The following PCDHGB7 variants were observed in gnomAD, a reference collection of about 807,000 sequenced individuals.
The protein encoded by PCDHGB7 is protocadherin gamma-B7.
Under a neutral mutation model 61.4 loss-of-function variants are expected in PCDHGB7, and 37 were observed. The observed-to-expected ratio is 0.60, with a 90% CI of 0.46 to 0.79. The LOEUF is 0.79. Ranked by LOEUF, PCDHGB7 falls within the 30% of genes least tolerant of loss-of-function variation. The pLI is 0.00. For missense variants in PCDHGB7, 1,166 were observed against 1,202.5 expected (o/e 0.97, Z 0.45); for synonymous variants, 464 against 503.5 (o/e 0.92, Z 1.05).
intron 2 of PCDHGB7, among the ~76,000 whole-genome samples, chr5:141,503,598 C>CAA (rs765754054): frequency 1.5e-4 from 10 of 65,698 alleles, no homozygotes; most frequent in African/African-American, 2.3e-4. Context: ...GACTCCAGCT[C>CAA]AAAAAAAAAA....
chr5:141,440,564 A>G (rs531383065), intron 1 of PCDHGB7: 1 of 152,248 alleles, frequency 6.6e-6, no homozygotes, highest in Admixed American at 6.5e-5. Context: ...TAAGTTACGT[A>G]TCTCTGAGTT....
At position 141,487,557 on chromosome 5, in the gene PCDHGB7, T is replaced by C. The variant is rs751511771; in HGVS notation, c.2416-7250T>C. On this transcript the variant is annotated intron_variant, in intron 1 of 3. Coordinates refer to ENST00000398594, the MANE Select transcript of PCDHGB7 (RefSeq NM_018927.4). The surrounding 1 kb of genome is among the most constrained non-coding windows in gnomAD (Gnocchi z 5.0). The stretch of plus-strand genomic sequence containing the variant: ...ATGGTGAAGTCACCCAGTGCACCTA[T>C]GGCAGGGGAGCCTGTTCGCCCAAGC... The C allele has an allele frequency of 1.9e-5, 31 of 1,614,060 alleles. No homozygotes were observed. In the East Asian group the frequency reaches 4.2e-4, roughly 22 times the overall value.
intron 1 of PCDHGB7, among the ~76,000 whole-genome samples, chr5:141,461,248 C>A (rs1209563726): frequency 6.6e-6 from 1 of 152,038 alleles, no homozygotes; most frequent in Non-Finnish European, 1.5e-5. Context: ...AATTTATATT[C>A]CCAGCAGCAA....
Position 141,430,721 on chromosome 5 carries a change from T to C in PCDHGB7, c.2415+10447T>C, listed in dbSNP as rs2097305223. The C allele has an allele frequency of 3.4e-6, 5 of 1,489,270 alleles. No homozygotes were observed. The South Asian group carries it at 7.3e-5, about 22-fold the overall frequency. 92.3% of individuals were successfully genotyped at this position (1,489,270 alleles called of 1,614,324 possible). A position where few individuals can be genotyped will look rare whatever the true frequency, so the allele number is the denominator to read the frequency against. On this transcript the variant is annotated intron_variant, in intron 1 of 3. Coordinates refer to ENST00000398594, the MANE Select transcript of PCDHGB7 (RefSeq NM_018927.4). ...AGGAACTGCTCCTGACTTCAGTGGT[T>C]AAGGGCAGAATTGAAAATAATTCTG...
intron 1 of PCDHGB7, chr5:141,441,857 ACGCCGC>A (rs2098279969): frequency 2.8e-6 from 1 of 352,664 alleles, no homozygotes; most frequent in Non-Finnish European, 5.6e-6. Flanking sequence ...ATGGTGCTGC[ACGCCGC>A]GGAGCCTGGC....
rs905837179 is a variant in PCDHGB7 at position 141,478,541 on chromosome 5, G to A, written c.2416-16266G>A. ...GTTGGGTGCAGAGAGCGCCCCTCCCGGACAGGTAAGGTTTAGCAAGTCATG... is the reference window on the plus strand; with the variant it reads ...GTTGGGTGCAGAGAGCGCCCCTCCCAGACAGGTAAGGTTTAGCAAGTCATG... On this transcript the variant is annotated intron_variant, in intron 1 of 3. Coordinates refer to ENST00000398594, the MANE Select transcript of PCDHGB7 (RefSeq NM_018927.4). 4 of 1,605,470 alleles carry A rather than the reference G, an allele frequency of 2.5e-6. No homozygotes were observed. The Admixed American group carries it at 5.2e-5, about 21-fold the overall frequency.
rs1315225126 is a variant in PCDHGB7 at position 141,487,926 on chromosome 5, A to G, written c.2416-6881A>G. The G allele has an allele frequency of 2.2e-5, 14 of 626,676 alleles. No individual in the cohort carries two copies. Among genetic ancestry groups the G allele is most frequent in the Non-Finnish European group, 3.9e-5 (14 of 359,988 alleles). The allele number at this position is 626,676 out of a possible 1,614,324, so 38.8% of individuals were successfully genotyped here. ...GTGGGAGCACAGGAGGCTACAGTGC[A>G]CAGGGTACAGTGCACCAGGCAGTCA... On this transcript the variant is annotated intron_variant, in intron 1 of 3. Coordinates refer to ENST00000398594, the MANE Select transcript of PCDHGB7 (RefSeq NM_018927.4). The surrounding 1 kb of genome is among the most constrained non-coding windows in gnomAD (Gnocchi z 5.0).
In PCDHGB7 at chr5:141,477,967, C is replaced by T. The variant is rs756216038; in HGVS notation, c.2416-16840C>T. Reference sequence around the variant, plus strand: ...GTCTCTTGGGATCCCCTAACCAGAGCCTTTTTGCCATAGGGCTGCACACTG... The same window carrying T: ...GTCTCTTGGGATCCCCTAACCAGAGTCTTTTTGCCATAGGGCTGCACACTG... On this transcript the variant is annotated intron_variant, in intron 1 of 3. Coordinates refer to ENST00000398594, the MANE Select transcript of PCDHGB7 (RefSeq NM_018927.4). This position sits in a 1 kb window ranked among gnomAD's most constrained non-coding sequence, Gnocchi z 4.9. The T allele has an allele frequency of 8.7e-6, 14 of 1,614,032 alleles. No individual in the cohort carries two copies. In the South Asian group the frequency reaches 1.2e-4, roughly 14 times the overall value.
rs770391604 is a variant in PCDHGB7, at chr5:141,431,437, G to A, written c.2415+11163G>A. On this transcript the variant is annotated intron_variant, in intron 1 of 3. Coordinates refer to ENST00000398594, the MANE Select transcript of PCDHGB7 (RefSeq NM_018927.4). The surrounding 1 kb of genome is among the most constrained non-coding windows in gnomAD (Gnocchi z 4.8). ...GCGACCCGGTGCGCACAGGCACCGC[G>A]CGCATCCGCGTGATGGTTCTGGATG... The A allele has an allele frequency of 7.4e-6, 12 of 1,613,710 alleles. No homozygotes were observed. In the East Asian group the frequency reaches 2.5e-4, roughly 33 times the overall value.
rs554845172 is a variant in PCDHGB7 at position 141,485,584 on chromosome 5, G to A, written c.2416-9223G>A. Reference sequence around the variant, plus strand: ...ACGCCCCCCGTTTTCCGCGGCAGCAGCTGGACTTGGAAATTGGGGAGGCAG... The same window carrying A: ...ACGCCCCCCGTTTTCCGCGGCAGCAACTGGACTTGGAAATTGGGGAGGCAG... On this transcript the variant is annotated intron_variant, in intron 1 of 3. Transcript: ENST00000398594. The surrounding 1 kb of genome is among the most constrained non-coding windows in gnomAD (Gnocchi z 5.7). The A allele has an allele frequency of 2.9e-5, 46 of 1,612,498 alleles. 1 individual carries two copies. The South Asian group carries it at 4.5e-4, about 16-fold the overall frequency.
intron 1 of PCDHGB7, chr5:141,429,208 G>A (rs568951026): frequency 5.4e-4 from 77 of 142,568 alleles, no homozygotes; most frequent in African/African-American, 1.9e-3. Context: ...ACACACACGT[G>A]TGAAAAGTGG....
At chr5:141,462,540 T>G (rs2099042148) in intron 1 of PCDHGB7, among the ~76,000 whole-genome samples, 2 of 152,204 alleles carry the variant, frequency 1.3e-5, no homozygotes, top group Non-Finnish European at 2.9e-5. Flanking sequence ...TCAGTGATCT[T>G]TTCTTCTTCA....
chr5:141,456,536 G>A (rs1231730255), intron 1 of PCDHGB7, among the ~76,000 whole-genome samples: 1 of 152,158 alleles, frequency 6.6e-6, no homozygotes, highest in Non-Finnish European at 1.5e-5. Flanking sequence ...AATTAAAGAG[G>A]GATTGTAGCC....
intron 1 of PCDHGB7, among the ~76,000 whole-genome samples, chr5:141,461,985 G>C (rs894777268): frequency 2.6e-5 from 4 of 152,170 alleles, no homozygotes; most frequent in Non-Finnish European, 5.9e-5. Flanking sequence ...CACCACGCCA[G>C]GCTAATTTTG....
Position 141,432,694 on chromosome 5 carries a change from C to A in PCDHGB7, c.2415+12420C>A. 1 of 1,613,936 alleles carries A rather than the reference C, an allele frequency of 6.2e-7. No homozygotes were observed. The highest frequency in any genetic ancestry group is 8.5e-7 in the Non-Finnish European group (1 of 1,179,964). On this transcript the variant is annotated intron_variant, in intron 1 of 3. Transcript: ENST00000398594. This position sits in a 1 kb window ranked among gnomAD's most constrained non-coding sequence, Gnocchi z 6.0. Reference sequence around the variant, plus strand: ...CGCTCAAGCAGAGCCTCGTAGTGGCCGTCCAGGACCACGGCCAGCCCCCTC... The same window carrying A: ...CGCTCAAGCAGAGCCTCGTAGTGGCAGTCCAGGACCACGGCCAGCCCCCTC...
intron 2 of PCDHGB7, 114 bp from the exon 3 acceptor site, chr5:141,505,279 C>A (rs780513022): frequency 1.3e-6 from 2 of 1,541,274 alleles, no homozygotes; most frequent in Non-Finnish European, 1.7e-6. Flanking sequence ...AGAAACAGGT[C>A]TTGGGCATGG....
chr5:141,494,818 C>T lies in PCDHGB7; in HGVS notation c.2427C>T (p.Pro809=). The part of the protein sequence containing the change: ...DKKILKQQAP[P]NTDWRFSQAQ... ...TGTTTTCTCCACAGCAAGCCCCGCCCAACACGGACTGGCGTTTCTCTCAGG... is the reference window on the plus strand; with the variant it reads ...TGTTTTCTCCACAGCAAGCCCCGCCTAACACGGACTGGCGTTTCTCTCAGG... Residue 809 remains proline (P), a synonymous_variant, in exon 2 of 4, where the codon CCC becomes CCT. Transcript: ENST00000398594. 1.9e-6 allele frequency: 3 copies of T among 1,614,152 alleles called. No homozygotes were observed. The highest frequency in any genetic ancestry group is 2.2e-5 in the South Asian group (2 of 91,074).
chr5:141,474,488 A>C (rs2099350464), intron 1 of PCDHGB7, among the ~76,000 whole-genome samples: 1 of 152,208 alleles, frequency 6.6e-6, no homozygotes. Flanking sequence ...AATGTATTCT[A>C]TCTTCTAATG....
rs1187424114 is a variant in PCDHGB7, at chr5:141,485,341, G to A, written c.2416-9466G>A. On this transcript the variant is annotated intron_variant, in intron 1 of 3. Transcript: ENST00000398594. The surrounding 1 kb of genome is among the most constrained non-coding windows in gnomAD (Gnocchi z 5.7). ...TCGCTCAAGATTTCCTGCTGGATAC[G>A]GACAGTCTGTCAGCTCGCAGGCTGC... 2 of 1,614,118 alleles carry A rather than the reference G, an allele frequency of 1.2e-6. No individual in the cohort carries two copies. The highest frequency in any genetic ancestry group is 1.7e-5 in the Admixed American group (1 of 60,018).
Sources: gnomAD v4.1 joint callset for allele counts (sites outside exome capture counted in the v4.1 genomes callset) on GRCh38, gnomAD v4.1.1 for gene constraint, Gnocchi (gnomAD v3.1) non-coding constraint, MANE v1.5 for transcripts, NCBI Gene and HGNC (gene_info 2026-07-23, HGNC 2026-07-21) for gene names.